HDAC9: variants seen among roughly 807,000 people sequenced by gnomAD.
HDAC9 encodes the protein MEF-2 interacting transcription repressor (MITR) protein.
Under a neutral mutation model 139.4 loss-of-function variants are expected in HDAC9, and 41 were observed. The observed-to-expected ratio is 0.29, with a 90% CI of 0.23 to 0.38. The LOEUF (loss-of-function observed/expected upper bound fraction) is 0.38. Among genes scored for constraint, HDAC9 ranks in the 10% least tolerant of loss-of-function variants. HDAC9 has a pLI of 1.00. For synonymous variants in HDAC9, 517 were observed against 476.2 expected (o/e 1.09, Z -1.12); for missense variants, 1,147 against 1,297.0 (o/e 0.88, Z 1.78).
intron 12 of HDAC9, among the ~76,000 whole-genome samples, chr7:18,713,288 T>G (rs1475856065): frequency 6.6e-6 from 1 of 152,166 alleles, no homozygotes; most frequent in Non-Finnish European, 1.5e-5. Flanking sequence ...TTAAACAGTG[T>G]TGTTAGGATA....
intron 1 of HDAC9, among the ~76,000 whole-genome samples, chr7:18,100,339 T>C (rs773142869): frequency 2.0e-5 from 3 of 152,328 alleles, no homozygotes; most frequent in African/African-American, 4.8e-5. Flanking sequence ...TGAGGGTTAA[T>C]AGTTTCCATC....
chr7:18,551,396 G>T (rs977323079), intron 2 of HDAC9, among the ~76,000 whole-genome samples: 1 of 152,122 alleles, frequency 6.6e-6, no homozygotes, highest in African/African-American at 2.4e-5. Flanking sequence ...GAGATTAGAT[G>T]AGGTTACCGA....
In HDAC9 at chr7:18,316,040, C is replaced by T. The variant is rs373904750; in HGVS notation, c.-42+25525C>T. 2.6e-5 allele frequency among the ~76,000 whole-genome samples: 4 copies of T among 152,284 alleles called. No homozygotes were observed. In the East Asian group the frequency reaches 7.7e-4, roughly 29 times the overall value. ...TGGTTGTGAGAATGAAATCTGAAAA[C>T]ATCTATAAGCACCCTAGCTGCATAA... On this transcript the variant is annotated intron_variant, in intron 1 of 3. Transcript: ENST00000413509.
chr7:18,709,966 AG>A (rs1239320248), intron 12 of HDAC9, among the ~76,000 whole-genome samples: 3 of 152,230 alleles, frequency 2.0e-5, no homozygotes, highest in African/African-American at 7.2e-5. Flanking sequence ...GCTGATAAAA[AG>A]ACATACCCGA....
chr7:18,485,822 A>G (rs1297915507), intron 1 of HDAC9, among the ~76,000 whole-genome samples: 2 of 152,152 alleles, frequency 1.3e-5, no homozygotes, highest in Admixed American at 1.3e-4. Flanking sequence ...GTCCTGCATA[A>G]TAAGTGGCAG....
intron 13 of HDAC9, among the ~76,000 whole-genome samples, chr7:18,743,337 T>C (rs1196076050): frequency 6.6e-6 from 1 of 152,184 alleles, no homozygotes; most frequent in African/African-American, 2.4e-5. Context: ...TCTGTTAAGA[T>C]GACTTACATG....
At chr7:18,448,739 A>G (rs1792527093) in intron 1 of HDAC9, among the ~76,000 whole-genome samples, 1 of 152,126 alleles carries the variant, frequency 6.6e-6, no homozygotes, top group African/African-American at 2.4e-5. Context: ...TTGCAAAGTC[A>G]AATTGTGTTT....
At chr7:18,806,389 G>A (rs919217390) in intron 17 of HDAC9, among the ~76,000 whole-genome samples, 1 of 152,216 alleles carries the variant, frequency 6.6e-6, no homozygotes, top group Admixed American at 6.5e-5. Flanking sequence ...CCTTGTGGTC[G>A]TGAGACTTGG....
intron 24 of HDAC9, among the ~76,000 whole-genome samples, chr7:18,970,443 T>A (rs571752104): frequency 6.6e-6 from 1 of 152,316 alleles, no homozygotes; most frequent in South Asian, 2.1e-4. Context: ...ATAAAAATAA[T>A]TTCTTGGCCA....
chr7:18,250,651 A>G (rs915835198), intron 2 of HDAC9, among the ~76,000 whole-genome samples: 1 of 152,192 alleles, frequency 6.6e-6, no homozygotes, highest in Non-Finnish European at 1.5e-5. Context: ...CAAATCTCAA[A>G]GCCTTTCTTG....
intron 1 of HDAC9, among the ~76,000 whole-genome samples, chr7:18,443,075 C>T (rs1039313696): frequency 6.6e-6 from 1 of 152,212 alleles, no homozygotes; most frequent in Non-Finnish European, 1.5e-5. Flanking sequence ...TAATAGTAGT[C>T]TCTGCCCTGA....
At chr7:18,858,364 A>G (rs1344769402) in intron 21 of HDAC9, among the ~76,000 whole-genome samples, 2 of 152,142 alleles carry the variant, frequency 1.3e-5, no homozygotes, top group Admixed American at 6.6e-5. Flanking sequence ...GGTGGGAGGC[A>G]CCTCTTCACG....
intron 2 of HDAC9, among the ~76,000 whole-genome samples, chr7:18,279,674 C>G (rs577954542): frequency 4.7e-4 from 71 of 152,034 alleles, no homozygotes; most frequent in African/African-American, 1.6e-3. Flanking sequence ...CCATGTTGGC[C>G]AGGCTGGTCT....
At chr7:18,385,658 T>G (rs1315963120) in intron 1 of HDAC9, among the ~76,000 whole-genome samples, 1 of 152,222 alleles carries the variant, frequency 6.6e-6, no homozygotes, top group African/African-American at 2.4e-5. Context: ...CTTCTGGAAC[T>G]ATTCGCTAAT....
intron 1 of HDAC9, among the ~76,000 whole-genome samples, chr7:18,392,647 G>T (rs1052230300): frequency 6.6e-6 from 1 of 151,702 alleles, no homozygotes; most frequent in Admixed American, 6.6e-5. Context: ...TGTGTATTGC[G>T]CATCCAGATC....
intron 2 of HDAC9, among the ~76,000 whole-genome samples, chr7:18,234,805 G>A (rs1793705239): frequency 6.6e-6 from 1 of 152,256 alleles, no homozygotes. Context: ...TGAAGGCCAA[G>A]GATTCTGTTG....
chr7:18,718,097 A>G lies in HDAC9; in HGVS notation c.1732-9483A>G, dbSNP rs1010525556. The stretch of plus-strand genomic sequence containing the variant: ...TGTTAGAACATTTTCATCACCGCCC[A>G]AAAGAAACTGTACCCATTAGCAGTA... On this transcript the variant is annotated intron_variant, in intron 12 of 25. Transcript: ENST00000686413. Among the ~76,000 whole-genome samples, 73 of 152,034 alleles carry G rather than the reference A, an allele frequency of 4.8e-4. 1 individual carries two copies. The highest frequency in any genetic ancestry group is 4.7e-3 in the Admixed American group (72 of 15,280).
chr7:18,564,124 C>T (rs1306647859), intron 2 of HDAC9, among the ~76,000 whole-genome samples: 4 of 152,004 alleles, frequency 2.6e-5, no homozygotes, highest in East Asian at 1.9e-4. Context: ...TGTGAGCCAC[C>T]GCACTCGGCC....
chr7:18,397,122 G>A (rs189624072), intron 1 of HDAC9, among the ~76,000 whole-genome samples: 191 of 152,188 alleles, frequency 1.3e-3, no homozygotes, highest in Non-Finnish European at 5.7e-4. Flanking sequence ...GTGATTAAGG[G>A]ATATAATGGA....
Sources: allele counts gnomAD v4.1 joint callset (sites outside exome capture counted in the v4.1 genomes callset), GRCh38; gene constraint gnomAD v4.1.1; transcripts MANE v1.5; gene names NCBI Gene and HGNC (gene_info 2026-07-23, HGNC 2026-07-21).